The following NEK7 variants were observed in gnomAD, a reference collection of about 807,000 sequenced individuals.
The protein encoded by NEK7 is NIMA related kinase 7, also known as serine/threonine-protein kinase Nek7.
Under a neutral mutation model 44.6 loss-of-function variants are expected in NEK7, and 18 were observed. The observed-to-expected ratio is 0.40, with a 90% CI of 0.28 to 0.60. The LOEUF (loss-of-function observed/expected upper bound fraction) is 0.60, where lower values mean the gene tolerates loss of function less well. NEK7 is among the 20% of genes least tolerant of loss of function. The pLI is 0.38. For missense variants in NEK7, 256 were observed against 366.5 expected, an observed-to-expected ratio of 0.70 and a Z score of 2.46; for synonymous variants, 130 against 121.1, an observed-to-expected ratio of 1.07 and a Z score of -0.48.
At chr1:198,317,459 A>G (rs763313021) in intron 9 of NEK7, among the ~76,000 whole-genome samples, 1 of 152,206 alleles carries the variant, frequency 6.6e-6, no homozygotes, top group Admixed American at 6.5e-5. Context: ...GAACTAGAGA[A>G]TCACTGTCTG....
chr1:198,169,677 A>G (rs544226061), intron 1 of NEK7, among the ~76,000 whole-genome samples: 1 of 149,352 alleles, frequency 6.7e-6, no homozygotes, highest in African/African-American at 2.5e-5. Flanking sequence ...CATTTTCCAT[A>G]TGTCACTGTT....
intron 8 of NEK7, among the ~76,000 whole-genome samples, 182 bp from the exon 9 acceptor site, chr1:198,296,945 G>C (rs1654733453): frequency 6.6e-6 from 1 of 152,098 alleles, no homozygotes; most frequent in Non-Finnish European, 1.5e-5. Flanking sequence ...ACCAAAAGTT[G>C]CAGTAAGATT....
At chr1:198,214,883 C>T (rs1464751131) in intron 1 of NEK7, among the ~76,000 whole-genome samples, 4 of 152,024 alleles carry the variant, frequency 2.6e-5, no homozygotes, top group Non-Finnish European at 5.9e-5. Context: ...AGTCATTAGG[C>T]TACCTAAAGT....
At chr1:198,203,086 C>T (rs929362020) in intron 1 of NEK7, among the ~76,000 whole-genome samples, 4 of 98,600 alleles carry the variant, frequency 4.1e-5, no homozygotes, top group Admixed American at 9.7e-5. Context: ...TTATAACCAT[C>T]CTTCCCCGCT....
chr1:198,203,842 T>TG (rs1571528332), intron 1 of NEK7, among the ~76,000 whole-genome samples: 6 of 150,146 alleles, frequency 4.0e-5, no homozygotes, highest in Non-Finnish European at 4.4e-5. Context: ...TCATTTTTTT[T>TG]TTGTGTGTGT....
chr1:198,274,005 CTAT>C (rs1194943458), intron 5 of NEK7, among the ~76,000 whole-genome samples: 1 of 151,160 alleles, frequency 6.6e-6, no homozygotes, highest in Non-Finnish European at 1.5e-5. Context: ...ATAATCAGGT[CTAT>C]TATTATAAGA....
intron 1 of NEK7, among the ~76,000 whole-genome samples, chr1:198,182,582 A>T (rs982343002): frequency 5.9e-5 from 9 of 152,188 alleles, no homozygotes; most frequent in African/African-American, 2.2e-4. Context: ...ATTAATCTGG[A>T]AAAAAATGCA....
chr1:198,306,630 G>A (rs916394755), intron 9 of NEK7, among the ~76,000 whole-genome samples: 1 of 152,066 alleles, frequency 6.6e-6, no homozygotes, highest in African/African-American at 2.4e-5. Flanking sequence ...AAAAGAAGAA[G>A]GTGTGAGATG....
chr1:198,253,749 A>G (rs1337747156), intron 3 of NEK7, among the ~76,000 whole-genome samples: 3 of 152,088 alleles, frequency 2.0e-5, no homozygotes, highest in African/African-American at 7.2e-5. Flanking sequence ...TGTCTTCTCG[A>G]ATTCATTTAT....
intron 1 of NEK7, among the ~76,000 whole-genome samples, chr1:198,159,639 G>C (rs1324503479): frequency 1.3e-5 from 2 of 152,164 alleles, no homozygotes; most frequent in Non-Finnish European, 2.9e-5. Flanking sequence ...GTCTGAACTA[G>C]TATTTAGGTT....
chr1:198,264,636 TG>T (rs1196911871), intron 5 of NEK7, among the ~76,000 whole-genome samples: 1 of 151,878 alleles, frequency 6.6e-6, no homozygotes, highest in Non-Finnish European at 1.5e-5. Context: ...TCAAAGAAAG[TG>T]GGATTTGCAG....
chr1:198,263,012 C>G (rs1186413486), intron 4 of NEK7, among the ~76,000 whole-genome samples: 1 of 151,744 alleles, frequency 6.6e-6, no homozygotes, highest in African/African-American at 2.4e-5. Context: ...GTGGACTAAT[C>G]AAAATGGTTC....
intron 1 of NEK7, among the ~76,000 whole-genome samples, chr1:198,213,634 G>C (rs1665839281): frequency 6.6e-6 from 1 of 152,166 alleles, no homozygotes; most frequent in South Asian, 2.1e-4. Context: ...AGAGGTGCCT[G>C]TCTGATCTCA....
chr1:198,188,173 C>T (rs986132936), intron 1 of NEK7, among the ~76,000 whole-genome samples: 1 of 152,174 alleles, frequency 6.6e-6, no homozygotes, highest in Non-Finnish European at 1.5e-5. Flanking sequence ...ACTGCTCGCT[C>T]TACCTTTTTT....
Position 198,172,227 on chromosome 1 carries a change from C to G in NEK7, c.-29+14951C>G, listed in dbSNP as rs180811853. ...GTGCTCTGAATAGACCATACCAGCA[C>G]TCTTTTCTCCCTCCCCTTCTCTCTG... On this transcript the variant is annotated intron_variant, in intron 1 of 9. Transcript: ENST00000367385. Among the ~76,000 whole-genome samples the G allele has an allele frequency of 2.4e-4, 37 of 152,268 alleles. No homozygotes were observed. The East Asian group carries it at 7.0e-3, about 29-fold the overall frequency.
At chr1:198,261,028 G>A (rs1653444951) in intron 3 of NEK7, among the ~76,000 whole-genome samples, 1 of 151,860 alleles carries the variant, frequency 6.6e-6, no homozygotes, top group Non-Finnish European at 1.5e-5. Context: ...AGAAAAAGTT[G>A]CCTCTTATAA....
chr1:198,241,000 A>G (rs925347763), intron 2 of NEK7, among the ~76,000 whole-genome samples: 1 of 152,194 alleles, frequency 6.6e-6, no homozygotes, highest in Non-Finnish European at 1.5e-5. Flanking sequence ...GCCAAGACCA[A>G]TAATTTTTAT....
intron 9 of NEK7, among the ~76,000 whole-genome samples, chr1:198,314,178 T>TCATTTCATC (rs1440255831): frequency 1.3e-5 from 2 of 152,208 alleles, no homozygotes; most frequent in African/African-American, 4.8e-5. Context: ...TTCATTTCAT[T>TCATTTCATC]CATTTCATCT....
At chr1:198,273,770 G>A (rs965613070) in intron 5 of NEK7, among the ~76,000 whole-genome samples, 17 of 151,608 alleles carry the variant, frequency 1.1e-4, no homozygotes, top group Non-Finnish European at 5.9e-5. Context: ...GAAGGATAAG[G>A]CATACCAAGA....
Sources: gnomAD v4.1 joint callset for allele counts (sites outside exome capture counted in the v4.1 genomes callset) on GRCh38, gnomAD v4.1.1 for gene constraint, MANE v1.5 for transcripts, NCBI Gene and HGNC (gene_info 2026-07-23, HGNC 2026-07-21) for gene names.